DNAAF11: variants seen among roughly 807,000 people sequenced by gnomAD.
DNAAF11 encodes the protein dynein axonemal assembly factor 11, also known as leucine rich repeat containing 6.
DNAAF11 carries 45 observed loss-of-function variants against 60.8 expected under a neutral mutation model. The ratio of observed to expected loss-of-function variants is 0.74; its 90% CI spans 0.58 to 0.95. The LOEUF (loss-of-function observed/expected upper bound fraction) is 0.95, where lower values mean the gene tolerates loss of function less well. Ranked by LOEUF, DNAAF11 falls within the 40% of genes least tolerant of loss-of-function variation. The pLI, the probability that DNAAF11 is intolerant of heterozygous loss-of-function variation, is 0.00. For synonymous variants in DNAAF11, 191 were observed against 183.5 expected, an observed-to-expected ratio of 1.04 and a Z score of -0.33; for missense variants, 546 against 546.2, an observed-to-expected ratio of 1.00 and a Z score of 0.00.
intron 10 of DNAAF11, among the ~76,000 whole-genome samples, chr8:132,586,418 A>T (rs1815899135): frequency 6.6e-6 from 1 of 152,142 alleles, no homozygotes; most frequent in Non-Finnish European, 1.5e-5. Context: ...AATTAATTTG[A>T]ATTTGTTTAT....
intron 6 of DNAAF11, 57 bp downstream of exon 6, chr8:132,625,215 T>C (rs1329474928): frequency 6.7e-6 from 9 of 1,341,108 alleles, no homozygotes; most frequent in Non-Finnish European, 9.1e-6. Context: ...TGGGCAATCA[T>C]AAAAATATAG....
chr8:132,626,780 G>T lies in DNAAF11; in HGVS notation c.654-1326C>A, dbSNP rs1163625517. ...ACATGAAGCCTTTAATACAACTACA[G>T]CAAATAGTAGGTACTCAATACATGT... On this transcript the variant is annotated intron_variant, in intron 5 of 11. Coordinates refer to ENST00000620350, the MANE Select transcript of DNAAF11 (RefSeq NM_012472.6). Among the ~76,000 whole-genome samples the T allele has an allele frequency of 2.6e-5, 4 of 152,100 alleles. No homozygotes were observed. The East Asian group carries it at 7.7e-4, about 29-fold the overall frequency.
chr8:132,604,308 T>C (rs1014635262), intron 10 of DNAAF11, among the ~76,000 whole-genome samples: 2 of 152,116 alleles, frequency 1.3e-5, no homozygotes, highest in Admixed American at 1.3e-4. Context: ...TGAGATTGTG[T>C]TTTTTAGAAG....
At chr8:132,634,095 T>C (rs1821063036) in intron 4 of DNAAF11, among the ~76,000 whole-genome samples, 1 of 152,084 alleles carries the variant, frequency 6.6e-6, no homozygotes, top group Non-Finnish European at 1.5e-5. Flanking sequence ...TAAAAAATTA[T>C]TAGAATCAGC....
At chr8:132,600,431 T>C (rs1239116000) in intron 10 of DNAAF11, among the ~76,000 whole-genome samples, 1 of 152,106 alleles carries the variant, frequency 6.6e-6, no homozygotes, top group African/African-American at 2.4e-5. Context: ...TACTTTAAAG[T>C]TCATATGTAA....
the DNAAF11 span, among the ~76,000 whole-genome samples, chr8:132,682,289 G>A: frequency 5.3e-5 from 8 of 152,230 alleles, no homozygotes; most frequent in Admixed American, 2.0e-4. Flanking sequence ...CCCTGAGGCC[G>A]CCGTGCTGGA....
chr8:132,595,348 G>GAAAAAAAAAAAAAAA (rs71306394), intron 10 of DNAAF11, among the ~76,000 whole-genome samples: 12 of 57,450 alleles, frequency 2.1e-4, no homozygotes, highest in African/African-American at 1.3e-3. Context: ...AGACAGAGGG[G>GAAAAAAAAAAAAAAA]AAAAAAAAAA....
At chr8:132,590,448 C>T (rs894408175) in intron 10 of DNAAF11, among the ~76,000 whole-genome samples, 2 of 152,146 alleles carry the variant, frequency 1.3e-5, no homozygotes, top group Non-Finnish European at 2.9e-5. Flanking sequence ...ACATTTTTTC[C>T]TTTCTTTGAC....
intron 4 of DNAAF11, among the ~76,000 whole-genome samples, chr8:132,633,397 A>C (rs767171503): frequency 2.6e-5 from 4 of 152,208 alleles, no homozygotes; most frequent in Non-Finnish European, 4.4e-5. Context: ...ACCCTTAACA[A>C]CAAGACAAAC....
In DNAAF11 at chr8:132,570,510, A is replaced by G. The variant is rs1157576949; in HGVS notation, c.*1796T>C. 6.6e-6 allele frequency among the ~76,000 whole-genome samples: 1 copy of G among 152,192 alleles called. No individual in the cohort carries two copies. The highest frequency in any genetic ancestry group is 1.5e-5 in the Non-Finnish European group (1 of 68,032). ...TATGTGGAAATTAAATACAGTCCTG[A>G]CAAATGTACATGATTTCCAAGTTGG... On this transcript the variant is annotated 3_prime_UTR_variant, in exon 12 of 12. Coordinates refer to ENST00000620350, the MANE Select transcript of DNAAF11 (RefSeq NM_012472.6).
chr8:132,597,403 C>T (rs1022782918), intron 10 of DNAAF11, among the ~76,000 whole-genome samples: 4 of 152,034 alleles, frequency 2.6e-5, no homozygotes, highest in Non-Finnish European at 4.4e-5. Context: ...AAAGCTGATT[C>T]CATTCTTGGA....
At chr8:132,593,264 G>C (rs867744372) in intron 10 of DNAAF11, among the ~76,000 whole-genome samples, 1 of 147,596 alleles carries the variant, frequency 6.8e-6, no homozygotes, top group South Asian at 2.1e-4. Flanking sequence ...AGTAAAAAAA[G>C]ATATGTGTTT....
At chr8:132,627,007 T>C (rs1283457439) in intron 5 of DNAAF11, among the ~76,000 whole-genome samples, 1 of 152,172 alleles carries the variant, frequency 6.6e-6, no homozygotes, top group Admixed American at 6.5e-5. Context: ...TAGAGTAAAA[T>C]TCTGCTTAGA....
intron 11 of DNAAF11, among the ~76,000 whole-genome samples, chr8:132,581,036 C>T (rs1024702516): frequency 3.3e-5 from 5 of 152,124 alleles, no homozygotes; most frequent in South Asian, 2.1e-4. Context: ...AGGTGGCCTT[C>T]GTAACAAATG....
the DNAAF11 span, chr8:132,702,321 C>T: frequency 1.3e-5 from 2 of 152,182 alleles, no homozygotes; most frequent in Non-Finnish European, 2.9e-5. Flanking sequence ...AATGGTGGAA[C>T]TGCCAGAGTC....
the DNAAF11 span, among the ~76,000 whole-genome samples, chr8:132,698,490 T>C: frequency 6.6e-6 from 1 of 152,160 alleles, no homozygotes; most frequent in Non-Finnish European, 1.5e-5. Flanking sequence ...TGTGAAATCA[T>C]CACACCAGAG....
intron 1 of DNAAF11, among the ~76,000 whole-genome samples, chr8:132,667,982 T>G (rs1484116257): frequency 6.6e-6 from 1 of 152,214 alleles, no homozygotes; most frequent in East Asian, 1.9e-4. Context: ...TACATCATGT[T>G]TTGTAAACAA....
chr8:132,581,810 T>G (rs1305885030), intron 11 of DNAAF11, among the ~76,000 whole-genome samples: 3 of 152,126 alleles, frequency 2.0e-5, no homozygotes, highest in Non-Finnish European at 4.4e-5. Flanking sequence ...TTATCTGCAG[T>G]GTTATTCTTG....
upstream of DNAAF11, among the ~76,000 whole-genome samples, chr8:132,678,771 T>G (rs1563732123): frequency 6.9e-6 from 1 of 145,238 alleles, no homozygotes; most frequent in Non-Finnish European, 1.5e-5. Context: ...TTATAATTTA[T>G]TAATATTTAT....
Sources: gnomAD v4.1 joint callset for allele counts (sites outside exome capture counted in the v4.1 genomes callset) on GRCh38, gnomAD v4.1.1 for gene constraint, MANE v1.5 for transcripts, NCBI Gene and HGNC (gene_info 2026-07-23, HGNC 2026-07-21) for gene names.